Variants in RFC3 observed in about 807,000 individuals in gnomAD.
The protein encoded by RFC3 is A1 38 kDa subunit.
Under a neutral mutation model 45.1 loss-of-function variants are expected in RFC3, and 41 were observed. That is an observed-to-expected ratio of 0.91 (90% CI 0.71 to 1.18). The LOEUF (loss-of-function observed/expected upper bound fraction) is 1.18. RFC3 is among the 50% of genes most tolerant of loss of function. The probability of loss-of-function intolerance (pLI) is 0.00; values close to 1 mark genes in which losing one functional copy is unlikely to be tolerated. For synonymous variants in RFC3, 149 were observed against 144.0 expected, an observed-to-expected ratio of 1.03 and a Z score of -0.25; for missense variants, 423 against 428.1, an observed-to-expected ratio of 0.99 and a Z score of 0.10.
intron 5 of RFC3, 109 bp from the exon 6 acceptor site, chr13:33,830,610 T>C (rs956038252): frequency 3.5e-5 from 27 of 777,692 alleles, no homozygotes; most frequent in Non-Finnish European, 5.0e-5. Context: ...GTTTCACTTA[T>C]AAGAATTTTG....
intron 8 of RFC3, among the ~76,000 whole-genome samples, chr13:33,886,142 C>T (rs2082520808): frequency 1.3e-5 from 2 of 152,056 alleles, no homozygotes; most frequent in South Asian, 4.1e-4. Flanking sequence ...GAGTGATAAG[C>T]CCAAGGATAG....
chr13:33,962,073 A>G (rs370273293), intron 8 of RFC3, among the ~76,000 whole-genome samples: 1 of 152,274 alleles, frequency 6.6e-6, no homozygotes, highest in African/African-American at 2.4e-5. Flanking sequence ...GGCTGTACAA[A>G]GTGATGGTGT....
chr13:33,836,252 A>T lies in RFC3; in HGVS notation c.1028A>T (p.Tyr343Phe), dbSNP rs772668318. The change falls in exon 9 of 9, where the codon TAT becomes TTT. Residue 343 changes from tyrosine to phenylalanine, a missense_variant. By Grantham distance (22) the Tyr-to-Phe change is conservative. Transcript: ENST00000380071. ...TTTGTGGCCAAATTCATGGCACTTT[A>T]TAAGAAGTTCATGGAGGATGGATTG... ...EAFVAKFMALYKKFMEDGLEG... is the reference protein window; with the variant it reads ...EAFVAKFMALFKKFMEDGLEG... The T allele has an allele frequency of 1.2e-6, 2 of 1,613,334 alleles. No homozygotes were observed. Among genetic ancestry groups the T allele is most frequent in the African/African-American group, 2.7e-5 (2 of 74,890 alleles).
chr13:33,933,851 T>C (rs1402723773), intron 8 of RFC3, among the ~76,000 whole-genome samples: 1 of 152,016 alleles, frequency 6.6e-6, no homozygotes, highest in Non-Finnish European at 1.5e-5. Flanking sequence ...TAAAGTTTCA[T>C]TGGCTAACTA....
intron 8 of RFC3, among the ~76,000 whole-genome samples, chr13:33,855,463 G>T (rs1566003605): frequency 6.6e-6 from 1 of 152,150 alleles, no homozygotes; most frequent in African/African-American, 2.4e-5. Flanking sequence ...CTTTATGATA[G>T]AAGGATTTAT....
chr13:33,864,808 C>T (rs1428584261), intron 8 of RFC3, among the ~76,000 whole-genome samples: 2 of 151,764 alleles, frequency 1.3e-5, no homozygotes, highest in Non-Finnish European at 2.9e-5. Context: ...CACATTTCAA[C>T]ATGAGATTTG....
intron 8 of RFC3, among the ~76,000 whole-genome samples, chr13:33,921,523 C>T (rs533622430): frequency 1.3e-5 from 2 of 152,274 alleles, no homozygotes; most frequent in East Asian, 3.9e-4. Context: ...GAAACATACA[C>T]TGATGACATG....
intron 8 of RFC3, among the ~76,000 whole-genome samples, chr13:33,862,617 A>C (rs2082348352): frequency 6.6e-6 from 1 of 152,188 alleles, no homozygotes; most frequent in South Asian, 2.1e-4. Context: ...GTTAAAATAT[A>C]CAGGTAAATA....
chr13:33,926,078 AATC>A (rs1203320629), intron 8 of RFC3, among the ~76,000 whole-genome samples: 1 of 151,796 alleles, frequency 6.6e-6, no homozygotes, highest in Non-Finnish European at 1.5e-5. Context: ...TGAAATTGGA[AATC>A]ATCATTCTCA....
intron 8 of RFC3, among the ~76,000 whole-genome samples, chr13:33,926,555 AG>A (rs1346368183): frequency 6.6e-6 from 1 of 152,236 alleles, no homozygotes; most frequent in South Asian, 2.1e-4. Context: ...ATTCTTTCAC[AG>A]TAAACAAATT....
chr13:33,826,102 A>T (rs1392612119), intron 4 of RFC3, among the ~76,000 whole-genome samples: 1 of 152,200 alleles, frequency 6.6e-6, no homozygotes, highest in African/African-American at 2.4e-5. Flanking sequence ...TTAAAATCAG[A>T]AATTACATGA....
At chr13:33,951,232 C>T (rs1250982183) in intron 8 of RFC3, among the ~76,000 whole-genome samples, 21 of 146,900 alleles carry the variant, frequency 1.4e-4, no homozygotes, top group African/African-American at 5.0e-4. Context: ...ACTATAAGTA[C>T]ATTTTTTTTT....
chr13:33,956,023 T>G (rs1018812464), intron 8 of RFC3, among the ~76,000 whole-genome samples: 1 of 152,204 alleles, frequency 6.6e-6, no homozygotes, highest in African/African-American at 2.4e-5. Context: ...GTTTAACAAC[T>G]GTATCATTCA....
chr13:33,843,779 C>T (rs1323439542), intron 8 of RFC3, among the ~76,000 whole-genome samples: 1 of 152,148 alleles, frequency 6.6e-6, no homozygotes, highest in Admixed American at 6.5e-5. Context: ...CACTGCCCAA[C>T]GGACATATGT....
chr13:33,943,187 G>A (rs1419822879), intron 8 of RFC3, among the ~76,000 whole-genome samples: 1 of 152,100 alleles, frequency 6.6e-6, no homozygotes, highest in East Asian at 1.9e-4. Flanking sequence ...GATTCTGCAA[G>A]TTTCTGAGGC....
At chr13:33,943,868 C>T (rs780243920) in intron 8 of RFC3, among the ~76,000 whole-genome samples, 8 of 152,022 alleles carry the variant, frequency 5.3e-5, no homozygotes, top group Admixed American at 1.3e-4. Flanking sequence ...GAAGCAAATT[C>T]GCAGGTTCTA....
Position 33,818,282 on chromosome 13 carries a change from C to T in RFC3, c.87+17C>T. The T allele has an allele frequency of 6.2e-7, 1 of 1,610,780 alleles. No individual in the cohort carries two copies. The highest frequency in any genetic ancestry group is 2.2e-5 in the East Asian group (1 of 44,836). On this transcript the variant is annotated intron_variant, in intron 1 of 8. Transcript: ENST00000380071. Reference sequence around the variant, plus strand: ...CGGAACCTGGTGAGTCTGCGGGGGCCGGGAGCGTGGGAGAGGGGAGGCCCC... The same window carrying T: ...CGGAACCTGGTGAGTCTGCGGGGGCTGGGAGCGTGGGAGAGGGGAGGCCCC...
At chr13:33,958,579 G>GA (rs1489067699) in intron 8 of RFC3, among the ~76,000 whole-genome samples, 2 of 152,236 alleles carry the variant, frequency 1.3e-5, no homozygotes, top group Non-Finnish European at 2.9e-5. Context: ...ACAGCATAGA[G>GA]ACGGAAAACA....
At chr13:33,916,817 T>C (rs540571496) in intron 8 of RFC3, among the ~76,000 whole-genome samples, 118 of 152,276 alleles carry the variant, frequency 7.7e-4, no homozygotes, top group African/African-American at 2.8e-3. Flanking sequence ...TGTATATATG[T>C]GTGTATGCAT....
Sources: allele counts gnomAD v4.1 joint callset (sites outside exome capture counted in the v4.1 genomes callset), GRCh38; gene constraint gnomAD v4.1.1; transcripts MANE v1.5; gene names NCBI Gene and HGNC (gene_info 2026-07-23, HGNC 2026-07-21).